The following LAMB4 variants were observed in gnomAD, a reference collection of about 807,000 sequenced individuals.
LAMB4 encodes the protein laminin subunit beta-4.
Under a neutral mutation model 199.2 loss-of-function variants are expected in LAMB4, and 196 were observed. The ratio of observed to expected loss-of-function variants is 0.98; its 90% CI spans 0.88 to 1.11. The LOEUF is 1.11. LAMB4 is among the 50% of genes least tolerant of loss of function. LAMB4 has a pLI of 0.00. For synonymous variants in LAMB4, 744 were observed against 770.6 expected, an observed-to-expected ratio of 0.97 and a Z score of 0.57; for missense variants, 2,080 against 2,171.2, an observed-to-expected ratio of 0.96 and a Z score of 0.83.
At chr7:108,036,145 G>T (rs998778229) in intron 30 of LAMB4, among the ~76,000 whole-genome samples, 1 of 151,346 alleles carries the variant, frequency 6.6e-6, no homozygotes, top group African/African-American at 2.4e-5. Flanking sequence ...GTCGTGAGCC[G>T]CTTCCCCCAG....
At chr7:108,086,908 A>G (rs757159538) in intron 14 of LAMB4, among the ~76,000 whole-genome samples, 3 of 152,152 alleles carry the variant, frequency 2.0e-5, no homozygotes, top group Non-Finnish European at 4.4e-5. Context: ...GGTAACATGC[A>G]CAGTAAAAAT....
intron 3 of LAMB4, among the ~76,000 whole-genome samples, chr7:108,113,447 G>C (rs1284304198): frequency 7.9e-5 from 12 of 152,184 alleles, no homozygotes; most frequent in African/African-American, 2.9e-4. Context: ...CATATAATCA[G>C]TGTATCTTAG....
In LAMB4 at chr7:108,103,170, C is replaced by A. The variant is rs755316783; in HGVS notation, c.1054G>T (p.Gly352Cys). Residue 352 changes from glycine (G) to cysteine (C), a missense_variant, in exon 10 of 34, where the codon GGT becomes TGT. By Grantham distance (159) the Gly-to-Cys change is radical. Transcript: ENST00000388781. Reference protein sequence around the residue: ...HFDMTTYLASGGLSGGVCEDC... With the variant: ...HFDMTTYLASCGLSGGVCEDC... ...TCACACACGCCCCCGCTGAGGCCACCGCTTGCCAGGTACGTAGTCATGTCA... is the reference window on the plus strand; with the variant it reads ...TCACACACGCCCCCGCTGAGGCCACAGCTTGCCAGGTACGTAGTCATGTCA... 1 of 1,604,900 alleles carries A rather than the reference C, an allele frequency of 6.2e-7. No homozygotes were observed. The highest frequency in any genetic ancestry group is 1.3e-5 in the African/African-American group (1 of 74,974).
chr7:108,071,734 T>A (rs573061086), intron 17 of LAMB4, among the ~76,000 whole-genome samples: 1 of 152,290 alleles, frequency 6.6e-6, no homozygotes, highest in Admixed American at 6.5e-5. Context: ...TGGTTCTTTG[T>A]TCCCCTGCCA....
At chr7:108,066,048 C>G (rs1376179588) in intron 20 of LAMB4, 129 bp from the exon 21 acceptor site, 2 of 938,118 alleles carry the variant, frequency 2.1e-6, no homozygotes, top group South Asian at 1.8e-5. Context: ...TTCATTTGCT[C>G]TGCAAAACGA....
At chr7:108,020,630 G>T (rs186787037), downstream of LAMB4, among the ~76,000 whole-genome samples, 148 of 152,190 alleles carry the variant, frequency 9.7e-4, no homozygotes, top group South Asian at 6.2e-3. Context: ...AGGCAGAGCT[G>T]TGCCTTCTAC....
At chr7:108,071,186 CCT>C (rs772801442) in intron 17 of LAMB4, among the ~76,000 whole-genome samples, 13 of 152,164 alleles carry the variant, frequency 8.5e-5, no homozygotes, top group Non-Finnish European at 1.5e-4. Flanking sequence ...TGCCACTGCC[CCT>C]GTCTCTGCCC....
intron 30 of LAMB4, among the ~76,000 whole-genome samples, chr7:108,036,176 T>C (rs1563034239): frequency 1.3e-5 from 2 of 150,800 alleles, no homozygotes; most frequent in Admixed American, 6.6e-5. Flanking sequence ...TCACTTTTAA[T>C]TGCTGTGTGA....
At chr7:108,093,753 T>A (rs941046789) in intron 12 of LAMB4, among the ~76,000 whole-genome samples, 5 of 152,202 alleles carry the variant, frequency 3.3e-5, no homozygotes, top group African/African-American at 1.2e-4. Context: ...TTTTAGTAGG[T>A]ATGAAATTCT....
In LAMB4 at chr7:108,065,134, C is replaced by T. The variant is rs548526991; in HGVS notation, c.2836+628G>A. Among the ~76,000 whole-genome samples, 6 of 152,220 alleles carry T rather than the reference C, an allele frequency of 3.9e-5. No homozygotes were observed. The South Asian group carries it at 1.2e-3, about 32-fold the overall frequency. ...TGCGGCCCAGGCTGGTCTTGGATTC[C>T]TGGCCTCAAGTAATCCTCCCTCACC... On this transcript the variant is annotated intron_variant, in intron 21 of 33. Transcript: ENST00000388781.
chr7:108,039,964 A>T (rs993616042), intron 29 of LAMB4, among the ~76,000 whole-genome samples: 2 of 152,212 alleles, frequency 1.3e-5, no homozygotes, highest in African/African-American at 4.8e-5. Flanking sequence ...GGAAGAGAGG[A>T]AGTCAAACTA....
rs932174564 is a variant in LAMB4 at position 108,085,622 on chromosome 7, A to AT, written c.1702-5837dup. Among the ~76,000 whole-genome samples the AT allele has an allele frequency of 1.0e-3, 151 of 150,516 alleles. 1 individual carries two copies. Among genetic ancestry groups the AT allele is most frequent in the Middle Eastern group, 6.8e-3 (2 of 294 alleles). On this transcript the variant is annotated intron_variant, in intron 14 of 33. Coordinates refer to ENST00000388781, the MANE Select transcript of LAMB4 (RefSeq NM_007356.3). ...TTTTTTTATTTTTATGTATTTATTT[A>AT]TTTTTTTTTGAGATGGAGTCTCGCT... is the stretch of plus-strand genomic sequence containing the variant.
chr7:108,083,528 G>A (rs893777204), intron 14 of LAMB4, among the ~76,000 whole-genome samples: 1 of 152,190 alleles, frequency 6.6e-6, no homozygotes, highest in African/African-American at 2.4e-5. Flanking sequence ...CCATGGTCAT[G>A]CGATTTTGGG....
In LAMB4 at chr7:108,052,104, G is replaced by T. The variant is rs745923849; in HGVS notation, c.3909C>A (p.Ser1303Arg). The change falls in exon 26 of 34, where the codon AGC becomes AGA. Residue 1303 changes from serine (S) to arginine (R), a missense_variant. By Grantham distance (110) the Ser-to-Arg change is moderately radical (BLOSUM62 -1). Transcript: ENST00000388781. The stretch of plus-strand genomic sequence containing the variant: ...AATACATTTTTCCCTTACCCGCAAT[G>T]CTTGCATTAAGGACACTGGATTGCA... ...IDLQSSVLNA[S>R]IADSSENIKK... The T allele has an allele frequency of 6.2e-7, 1 of 1,602,528 alleles. No individual in the cohort carries two copies.
chr7:108,041,646 A>T (rs928456380), intron 29 of LAMB4, among the ~76,000 whole-genome samples: 1 of 152,250 alleles, frequency 6.6e-6, no homozygotes, highest in African/African-American at 2.4e-5. Context: ...ACACAGGAGC[A>T]GAAAACCAAA....
intron 33 of LAMB4, among the ~76,000 whole-genome samples, chr7:108,027,844 G>A (rs895749426): frequency 3.9e-5 from 6 of 152,040 alleles, no homozygotes; most frequent in Admixed American, 3.3e-4. Context: ...GTGCAGTGGC[G>A]TGATCTTGGC....
intron 28 of LAMB4, among the ~76,000 whole-genome samples, chr7:108,047,204 C>G (rs1376720585): frequency 6.6e-6 from 1 of 152,138 alleles, no homozygotes; most frequent in African/African-American, 2.4e-5. Context: ...CACACGTACA[C>G]ACTTGACTTT....
rs1013457465 is a variant in LAMB4 at position 108,101,484 on chromosome 7, C to T, written c.1180+1560G>A. Among the ~76,000 whole-genome samples the T allele has an allele frequency of 4.6e-5, 7 of 152,192 alleles. No homozygotes were observed. In the East Asian group the frequency reaches 1.3e-3, roughly 29 times the overall value. On this transcript the variant is annotated intron_variant, in intron 10 of 33. Transcript: ENST00000388781. Reference sequence around the variant, plus strand: ...TGGAAACTCAGGCCAATACAATGATCTTGTTGCTTGCTATGCCATGAGTTA... The same window carrying T: ...TGGAAACTCAGGCCAATACAATGATTTTGTTGCTTGCTATGCCATGAGTTA...
intron 29 of LAMB4, among the ~76,000 whole-genome samples, chr7:108,039,531 C>T (rs1402573420): frequency 1.4e-5 from 2 of 146,194 alleles, no homozygotes; most frequent in Non-Finnish European, 3.0e-5. Flanking sequence ...TGCAGTGGTG[C>T]GATCTCGGCT....
Sources: gnomAD v4.1 joint callset for allele counts (sites outside exome capture counted in the v4.1 genomes callset) on GRCh38, gnomAD v4.1.1 for gene constraint, MANE v1.5 for transcripts, NCBI Gene and HGNC (gene_info 2026-07-23, HGNC 2026-07-21) for gene names.